The following IL12RB2 variants were observed in gnomAD, a reference collection of about 807,000 sequenced individuals.
The protein encoded by IL12RB2 is interleukin-12 receptor subunit beta-2.
In IL12RB2, 82 loss-of-function variants were observed where a neutral mutation model predicts 89.4. The observed-to-expected ratio is 0.92, with a 90% CI of 0.77 to 1.10. The LOEUF (loss-of-function observed/expected upper bound fraction) is 1.10. Among genes scored for constraint, IL12RB2 ranks in the 50% least tolerant of loss-of-function variants. The pLI, the probability that IL12RB2 is intolerant of heterozygous loss-of-function variation, is 0.00. For synonymous variants in IL12RB2, 368 were observed against 370.1 expected, an observed-to-expected ratio of 0.99 and a Z score of 0.07; for missense variants, 963 against 1,031.9, an observed-to-expected ratio of 0.93 and a Z score of 0.92.
chr1:67,357,128 A>C (rs1661484318), intron 10 of IL12RB2, among the ~76,000 whole-genome samples: 1 of 152,184 alleles, frequency 6.6e-6, no homozygotes, highest in Admixed American at 6.5e-5. Flanking sequence ...AGGCTGAGAC[A>C]GGTGGATCAC....
intron 10 of IL12RB2, among the ~76,000 whole-genome samples, chr1:67,359,340 T>C (rs1209215365): frequency 6.6e-6 from 1 of 152,148 alleles, no homozygotes; most frequent in Non-Finnish European, 1.5e-5. Flanking sequence ...CAGATAAAGA[T>C]AGCACAAGAA....
chr1:67,396,097 G>C lies in IL12RB2; in HGVS notation c.*8G>C, dbSNP rs1253089267. 1.3e-6 allele frequency: 2 copies of C among 1,552,096 alleles called. No individual in the cohort carries two copies. The highest frequency in any genetic ancestry group is 1.7e-5 in the Admixed American group (1 of 59,946). ...GACTCCCTCATGCTCTGAGTGGTGAGGCTTCAAGCCTTAAAGTCAGTGTGC... is the reference window on the plus strand; with the variant it reads ...GACTCCCTCATGCTCTGAGTGGTGACGCTTCAAGCCTTAAAGTCAGTGTGC... On this transcript the variant is annotated 3_prime_UTR_variant, in exon 17 of 17. Transcript: ENST00000674203.
At chr1:67,362,587 A>AAAT (rs1662211191) in intron 10 of IL12RB2, among the ~76,000 whole-genome samples, 1 of 149,076 alleles carries the variant, frequency 6.7e-6, no homozygotes, top group Non-Finnish European at 1.5e-5. Flanking sequence ...AAAAAAAAAA[A>AAAT]AAAAAGAAAA....
chr1:67,354,022 C>G (rs1385982990), intron 10 of IL12RB2, among the ~76,000 whole-genome samples: 1 of 152,148 alleles, frequency 6.6e-6, no homozygotes, highest in Admixed American at 6.5e-5. Context: ...CAGTTGGAAT[C>G]CAGCATAGGT....
intron 16 of IL12RB2, among the ~76,000 whole-genome samples, chr1:67,395,127 G>A (rs1030071949): frequency 6.6e-5 from 10 of 152,218 alleles, no homozygotes; most frequent in African/African-American, 2.4e-4. Flanking sequence ...AATTAGCCAG[G>A]CATGGTGGCA....
At chr1:67,375,602 G>T (rs992689018) in intron 13 of IL12RB2, among the ~76,000 whole-genome samples, 1 of 152,106 alleles carries the variant, frequency 6.6e-6, no homozygotes, top group Non-Finnish European at 1.5e-5. Context: ...CCCTCTTACT[G>T]GTGTTTCAGC....
chr1:67,342,697 A>G (rs1659779560), intron 9 of IL12RB2, among the ~76,000 whole-genome samples: 2 of 150,718 alleles, frequency 1.3e-5, no homozygotes, highest in Admixed American at 6.6e-5. Flanking sequence ...TTTTCCCATG[A>G]CTTAGTTTCT....
chr1:67,320,189 T>C, intron 2 of IL12RB2, 144 bp from the exon 3 acceptor site: 4 of 1,316,980 alleles, frequency 3.0e-6, no homozygotes, highest in Non-Finnish European at 4.1e-6. Context: ...TTACTAGTTT[T>C]AAAGGTACAT....
intron 13 of IL12RB2, among the ~76,000 whole-genome samples, chr1:67,373,118 T>C (rs1449423643): frequency 6.6e-6 from 1 of 152,184 alleles, no homozygotes; most frequent in Non-Finnish European, 1.5e-5. Context: ...TAGACTTCTT[T>C]GTTTTTTTAA....
In IL12RB2 at chr1:67,395,576, C is replaced by G. The variant is rs772425544; in HGVS notation, c.2076C>G (p.Leu692=). ...AGACACAGCTGCCCTTGGACAGGCT[C>G]CTGATAGACTGGCCCACGCCTGAAG... ...EEKTQLPLDR[L]LIDWPTPEDP... Residue 692 remains leucine, a synonymous_variant, in exon 17 of 17, where the codon CTC becomes CTG. Transcript: ENST00000674203. The G allele has an allele frequency of 9.3e-6, 15 of 1,614,256 alleles. No individual in the cohort carries two copies. The Admixed American group carries it at 2.5e-4, about 27-fold the overall frequency.
At chr1:67,324,629 G>A (rs1378731002) in intron 4 of IL12RB2, among the ~76,000 whole-genome samples, 1 of 152,184 alleles carries the variant, frequency 6.6e-6, no homozygotes, top group Non-Finnish European at 1.5e-5. Flanking sequence ...GGAATTACAG[G>A]CATGAGCCAC....
chr1:67,342,214 T>A (rs921116993), intron 9 of IL12RB2, among the ~76,000 whole-genome samples: 1 of 150,802 alleles, frequency 6.6e-6, no homozygotes, highest in African/African-American at 2.4e-5. Flanking sequence ...TTTGGGTTTT[T>A]TTTGTTTTTT....
intron 1 of IL12RB2, among the ~76,000 whole-genome samples, chr1:67,309,654 C>G (rs1311897976): frequency 6.6e-6 from 1 of 152,108 alleles, no homozygotes; most frequent in Non-Finnish European, 1.5e-5. Context: ...CAAACTTTGA[C>G]AAACGGAATC....
At chr1:67,393,435 C>T (rs886437695) in intron 16 of IL12RB2, among the ~76,000 whole-genome samples, 1 of 152,206 alleles carries the variant, frequency 6.6e-6, no homozygotes, top group Non-Finnish European at 1.5e-5. Context: ...GCAAACACCT[C>T]ACCTTGTGAA....
At position 67,384,099 on chromosome 1, in the gene IL12RB2, G is replaced by A. The variant is rs182642185; in HGVS notation, c.1856-2480G>A. ...AGTTCCACTAGGCAGTGCCCAGTGG[G>A]GACCCTGTGTAGGGGCTTGCACCCC... is the stretch of plus-strand genomic sequence containing the variant. On this transcript the variant is annotated intron_variant, in intron 14 of 16. Coordinates refer to ENST00000674203, the MANE Select transcript of IL12RB2 (RefSeq NM_001374259.2). 2.7e-3 allele frequency among the ~76,000 whole-genome samples: 417 copies of A among 152,342 alleles called. 4 individuals carry two copies. Among genetic ancestry groups the A allele is most frequent in the African/African-American group, 9.3e-3 (387 of 41,574 alleles).
chr1:67,316,716 C>T (rs377705713), intron 2 of IL12RB2, among the ~76,000 whole-genome samples: 25 of 152,280 alleles, frequency 1.6e-4, no homozygotes, highest in African/African-American at 5.3e-4. Flanking sequence ...TGCCTCCAGG[C>T]TGTGCATTCA....
chr1:67,346,430 A>G (rs1569944212), intron 9 of IL12RB2, among the ~76,000 whole-genome samples: 1 of 130,566 alleles, frequency 7.7e-6, no homozygotes, highest in Admixed American at 8.5e-5. Flanking sequence ...TCTGTCACCC[A>G]GGTTGGAGTG....
intron 9 of IL12RB2, among the ~76,000 whole-genome samples, chr1:67,343,518 C>T (rs1433699203): frequency 1.3e-5 from 2 of 152,104 alleles, no homozygotes; most frequent in South Asian, 2.1e-4. Context: ...TGCTTGATTA[C>T]GAATAGCCCC....
rs1657603472 is a variant in IL12RB2, at chr1:67,328,316, A to C, written c.596A>C (p.Lys199Thr). Residue 199 changes from lysine to threonine, a missense_variant, in exon 6 of 17, where the codon AAG (lysine) becomes ACG (threonine). Coordinates refer to ENST00000674203, the MANE Select transcript of IL12RB2 (RefSeq NM_001374259.2). ...PESPESNFTA[K>T]VTAVNSLGSS... ...TCACCTGAATCCAATTTCACAGCCA[A>C]GGTTACTGCTGTCAATAGTCTTGGA... is the stretch of plus-strand genomic sequence containing the variant. 1 of 1,614,198 alleles carries C rather than the reference A, an allele frequency of 6.2e-7. No individual in the cohort carries two copies. The highest frequency in any genetic ancestry group is 2.2e-5 in the East Asian group (1 of 44,876).
Sources: gnomAD v4.1 joint callset for allele counts (sites outside exome capture counted in the v4.1 genomes callset) on GRCh38, gnomAD v4.1.1 for gene constraint, MANE v1.5 for transcripts, NCBI Gene and HGNC (gene_info 2026-07-23, HGNC 2026-07-21) for gene names.